Variants in PLAAT3 observed in about 807,000 individuals in gnomAD.
The protein encoded by PLAAT3 is Ca-independent phospholipase A1/2.
A neutral mutation model predicts 16.7 loss-of-function variants in PLAAT3; 21 were observed. The observed-to-expected ratio is 1.26, with a 90% CI of 0.89 to 1.81. PLAAT3 has a LOEUF of 1.81. Ranked by LOEUF, PLAAT3 falls within the 40% of genes most tolerant of loss-of-function variation. The probability of loss-of-function intolerance (pLI) is 0.00; values close to 1 mark genes in which losing one functional copy is unlikely to be tolerated. For missense variants in PLAAT3, 219 were observed against 213.7 expected (o/e 1.02, Z -0.16); for synonymous variants, 76 against 81.7 (o/e 0.93, Z 0.38).
intron 2 of PLAAT3, 143 bp downstream of exon 2, chr11:63,613,857 C>T (rs1282937257): frequency 1.5e-6 from 1 of 650,928 alleles, no homozygotes; most frequent in South Asian, 1.8e-5. Context: ...CAGCTGACAC[C>T]GATGCCTCGC....
chr11:63,598,047 C>T lies in PLAAT3; in HGVS notation c.118+14G>A. On this transcript the variant is annotated intron_variant, in intron 3 of 4. Coordinates refer to ENST00000415826, the MANE Select transcript of PLAAT3 (RefSeq NM_001128203.2). ...CCTGGGGCCCATCACAGTGGAGGTC[C>T]CATGTGTTCTTACTTGGAGGGGCCA... is the stretch of plus-strand genomic sequence containing the variant. 1 of 1,554,264 alleles carries T rather than the reference C, an allele frequency of 6.4e-7. No individual in the cohort carries two copies. The highest frequency in any genetic ancestry group is 8.9e-7 in the Non-Finnish European group (1 of 1,125,370).
intron 4 of PLAAT3, among the ~76,000 whole-genome samples, chr11:63,586,159 A>G (rs1008592619): frequency 6.6e-6 from 1 of 151,988 alleles, no homozygotes; most frequent in African/African-American, 2.4e-5. Context: ...TTTGAGAAGG[A>G]GTCTCGCTCT....
intron 3 of PLAAT3, among the ~76,000 whole-genome samples, chr11:63,593,214 A>G (rs979938432): frequency 6.6e-6 from 1 of 152,224 alleles, no homozygotes; most frequent in Non-Finnish European, 1.5e-5. Context: ...ACAAATACAC[A>G]AAATAAGATA....
At chr11:63,581,012 G>A (rs563620473) in intron 4 of PLAAT3, among the ~76,000 whole-genome samples, 1 of 152,260 alleles carries the variant, frequency 6.6e-6, no homozygotes, top group African/African-American at 2.4e-5. Context: ...AAGATGTCAT[G>A]GACATTTATC....
intron 2 of PLAAT3, among the ~76,000 whole-genome samples, chr11:63,609,527 A>G (rs1470078917): frequency 6.6e-6 from 1 of 152,214 alleles, no homozygotes; most frequent in Admixed American, 6.5e-5. Flanking sequence ...AAATAATGGA[A>G]GTGAAAGCTG....
intron 3 of PLAAT3, among the ~76,000 whole-genome samples, chr11:63,593,899 C>T (rs1938215836): frequency 6.6e-6 from 1 of 152,084 alleles, no homozygotes; most frequent in East Asian, 1.9e-4. Flanking sequence ...CGCTTTCAAA[C>T]AATCACACCA....
intron 2 of PLAAT3, among the ~76,000 whole-genome samples, chr11:63,611,910 G>T (rs956774908): frequency 6.6e-6 from 1 of 152,074 alleles, no homozygotes; most frequent in South Asian, 2.1e-4. Context: ...AGGCCGAGGC[G>T]GGCACATCAC....
upstream of PLAAT3, among the ~76,000 whole-genome samples, chr11:63,615,714 G>A (rs1289477399): frequency 3.3e-5 from 5 of 150,344 alleles, no homozygotes; most frequent in African/African-American, 1.2e-4. Flanking sequence ...CTGTCACCCA[G>A]GCTGGAGTGC....
At chr11:63,612,754 T>C (rs12295102) in intron 2 of PLAAT3, among the ~76,000 whole-genome samples, 3,372 of 152,296 alleles carry the variant, frequency 0.022, 121 homozygotes, top group African/African-American at 0.077. Flanking sequence ...CCATTTTTTT[T>C]CCTGCTTTTG....
chr11:63,601,991 A>AC (rs1555045718), intron 2 of PLAAT3, among the ~76,000 whole-genome samples: 1 of 150,144 alleles, frequency 6.7e-6, no homozygotes, highest in African/African-American at 2.4e-5. Flanking sequence ...AAAAAAAAAA[A>AC]AAAAAACAAA....
At chr11:63,607,551 T>A (rs1405575103) in intron 2 of PLAAT3, among the ~76,000 whole-genome samples, 4 of 151,770 alleles carry the variant, frequency 2.6e-5, no homozygotes, top group Non-Finnish European at 5.9e-5. Flanking sequence ...TGGGAGAAGA[T>A]GAACTGGAGG....
At position 63,593,021 on chromosome 11, in the gene PLAAT3, G is replaced by A. The variant is rs147548531; in HGVS notation, c.119-2653C>T. On this transcript the variant is annotated intron_variant, in intron 3 of 4. Transcript: ENST00000415826. Reference sequence around the variant, plus strand: ...GACACACCTGTCCACCTGTCCACCCGGGTGCTTGTCATGCCTTCCCCAACC... The same window carrying A: ...GACACACCTGTCCACCTGTCCACCCAGGTGCTTGTCATGCCTTCCCCAACC... Among the ~76,000 whole-genome samples, 472 of 152,200 alleles carry A rather than the reference G, an allele frequency of 3.1e-3. 3 individuals carry two copies. The highest frequency in any genetic ancestry group is 0.011 in the African/African-American group (448 of 41,524).
Position 63,598,126 on chromosome 11 carries a change from C to T in PLAAT3, c.53G>A (p.Arg18His), listed in dbSNP as rs532186243. Residue 18 changes from arginine to histidine, a missense_variant, in exon 3 of 5, where the codon CGC becomes CAC. Transcript: ENST00000415826. ...GATGGCCCAGTGTCTGTAGAAAGGG[C>T]GAAAAATCTCAATCAGGTCTCCAGG... is the stretch of plus-strand genomic sequence containing the variant. ...PKPGDLIEIF[R>H]PFYRHWAIYV... 1.8e-4 allele frequency: 295 copies of T among 1,613,930 alleles called. 1 individual carries two copies. The highest frequency in any genetic ancestry group is 4.1e-4 in the South Asian group (37 of 91,078).
At position 63,603,747 on chromosome 11, in the gene PLAAT3, CACACACA is replaced by C. The variant is rs57615032; in HGVS notation, c.16-5591_16-5585del. Among the ~76,000 whole-genome samples the C allele has an allele frequency of 1.6e-3, 122 of 74,342 alleles. 1 individual carries two copies. The highest frequency in any genetic ancestry group is 6.5e-3 in the African/African-American group (118 of 18,028). The allele number at this position is 74,342 out of a possible 152,430, so 48.8% of individuals were successfully genotyped here. A position where few individuals can be genotyped will look rare whatever the true frequency, so the allele number is the denominator to read the frequency against. On this transcript the variant is annotated intron_variant, in intron 2 of 4. Transcript: ENST00000415826. The stretch of plus-strand genomic sequence containing the variant: ...ACACACACACACACACACACACACA[CACACACA>C]GACAGAGATATTAGAGAGAGTAAGG...
chr11:63,584,070 C>G lies in PLAAT3; in HGVS notation c.387+6030G>C, dbSNP rs1037187217. Reference sequence around the variant, plus strand: ...TATGAAATAGTTGTATATTTTCCAACAGTGATCAAGTATACAAAAAATAAT... The same window carrying G: ...TATGAAATAGTTGTATATTTTCCAAGAGTGATCAAGTATACAAAAAATAAT... On this transcript the variant is annotated intron_variant, in intron 4 of 4. Coordinates refer to ENST00000415826, the MANE Select transcript of PLAAT3 (RefSeq NM_001128203.2). Among the ~76,000 whole-genome samples the G allele has an allele frequency of 2.6e-5, 4 of 151,994 alleles. No individual in the cohort carries two copies. The South Asian group carries it at 8.3e-4, about 32-fold the overall frequency.
chr11:63,582,420 A>G (rs970494862), intron 4 of PLAAT3, among the ~76,000 whole-genome samples: 1 of 152,182 alleles, frequency 6.6e-6, no homozygotes, highest in Admixed American at 6.5e-5. Context: ...AAAATAAACA[A>G]GAACTTGTAG....
intron 4 of PLAAT3, among the ~76,000 whole-genome samples, chr11:63,588,079 AT>A (rs1299647387): frequency 2.0e-5 from 3 of 151,106 alleles, no homozygotes; most frequent in East Asian, 2.0e-4. Flanking sequence ...AATAAAAAAA[AT>A]TTTTTTTGAG....
chr11:63,575,460 A>G (rs1486125036), intron 4 of PLAAT3, among the ~76,000 whole-genome samples: 1 of 152,196 alleles, frequency 6.6e-6, no homozygotes, highest in Non-Finnish European at 1.5e-5. Flanking sequence ...CCATAAGAGC[A>G]AGGAACTCGG....
At chr11:63,615,288 GTA>G (rs373881894), upstream of PLAAT3, among the ~76,000 whole-genome samples, 8 of 108,714 alleles carry the variant, frequency 7.4e-5, 2 homozygotes, top group Admixed American at 2.2e-4. Flanking sequence ...GTATATATGT[GTA>G]TATATATGTG....
Sources: allele counts gnomAD v4.1 joint callset (sites outside exome capture counted in the v4.1 genomes callset), GRCh38; gene constraint gnomAD v4.1.1; transcripts MANE v1.5; gene names NCBI Gene and HGNC (gene_info 2026-07-23, HGNC 2026-07-21).